TRPM1: variants seen among roughly 807,000 people sequenced by gnomAD.
The protein encoded by TRPM1 is transient receptor potential cation channel subfamily M member 1.
In TRPM1, 113 loss-of-function variants were observed where a neutral mutation model predicts 149.4. The ratio of observed to expected loss-of-function variants is 0.76; its 90% CI spans 0.65 to 0.88. TRPM1 has a LOEUF of 0.88. TRPM1 is among the 40% of genes least tolerant of loss of function. TRPM1 has a pLI of 0.00. For synonymous variants in TRPM1, 741 were observed against 759.5 expected, an observed-to-expected ratio of 0.98 and a Z score of 0.40; for missense variants, 1,976 against 2,038.7, an observed-to-expected ratio of 0.97 and a Z score of 0.59.
At chr15:31,113,814 A>T (rs893492374) in intron 1 of TRPM1, among the ~76,000 whole-genome samples, 1 of 152,170 alleles carries the variant, frequency 6.6e-6, no homozygotes. Context: ...AGCAACAGCA[A>T]GATTTATTGT....
Position 31,040,993 on chromosome 15 carries a change from G to A in TRPM1, c.2088-647C>T, listed in dbSNP as rs1379939152. Among the ~76,000 whole-genome samples the A allele has an allele frequency of 6.6e-6, 1 of 152,144 alleles. No homozygotes were observed. The highest frequency in any genetic ancestry group is 2.4e-5 in the African/African-American group (1 of 41,410). ...CAGGGATGAGGCATAGTTGTCATAG[G>A]GCCCAGGCCAGAGGGCGTCTAATGA... On this transcript the variant is annotated intron_variant, in intron 17 of 27. Coordinates refer to ENST00000256552, the MANE Select transcript of TRPM1 (RefSeq NM_001252024.2). The surrounding 1 kb of genome is among the most constrained non-coding windows in gnomAD (Gnocchi z 4.2).
intron 16 of TRPM1, among the ~76,000 whole-genome samples, chr15:31,044,680 C>G (rs532054042): frequency 2.0e-5 from 3 of 150,056 alleles, no homozygotes; most frequent in Non-Finnish European, 4.4e-5. Context: ...ACTTGGGAGG[C>G]TGAGACAGGA....
chr15:31,038,167 C>T lies in TRPM1; in HGVS notation c.2317-1G>A. ...GGGGTAGAAGAATCCCCATGATAAC[C>T]TACGGAACATAAATTGATTTTTTAA... On this transcript the variant is annotated splice_acceptor_variant, in intron 18 of 27. Transcript: ENST00000256552. LOFTEE classifies it high-confidence loss of function. The T allele has an allele frequency of 6.2e-7, 1 of 1,613,964 alleles. No homozygotes were observed. Among genetic ancestry groups the T allele is most frequent in the South Asian group, 1.1e-5 (1 of 91,056 alleles).
intron 1 of TRPM1, among the ~76,000 whole-genome samples, chr15:31,088,561 C>T (rs565680615): frequency 9.9e-5 from 15 of 152,276 alleles, no homozygotes; most frequent in Admixed American, 7.8e-4. Flanking sequence ...CAAAAGTCTG[C>T]GGCTTCACTG....
At chr15:31,157,271 G>A (rs1034134667) in intron 1 of TRPM1, among the ~76,000 whole-genome samples, 1 of 152,220 alleles carries the variant, frequency 6.6e-6, no homozygotes, top group East Asian at 1.9e-4. Flanking sequence ...TGATACAGGT[G>A]GCTTGGTTCA....
chr15:31,102,082 C>T (rs1016077637), upstream of TRPM1, among the ~76,000 whole-genome samples: 4 of 152,224 alleles, frequency 2.6e-5, no homozygotes, highest in Non-Finnish European at 4.4e-5. Context: ...GGGCAGTGTT[C>T]GTGCCCCGGG....
intron 1 of TRPM1, among the ~76,000 whole-genome samples, chr15:31,152,953 A>T (rs1314478094): frequency 1.3e-5 from 2 of 152,210 alleles, no homozygotes; most frequent in East Asian, 3.9e-4. Context: ...TAAAACAGAG[A>T]TCTCAAGGCC....
intron 1 of TRPM1, among the ~76,000 whole-genome samples, chr15:31,118,467 C>T (rs912676476): frequency 4.0e-5 from 6 of 151,644 alleles, no homozygotes; most frequent in African/African-American, 1.5e-4. Context: ...GTGGACCTAT[C>T]GTGTTCAAAC....
At chr15:31,077,119 G>A (rs1469020332) in intron 2 of TRPM1, 135 bp from the exon 3 acceptor site, 2 of 687,376 alleles carry the variant, frequency 2.9e-6, no homozygotes, top group Admixed American at 4.2e-5. Flanking sequence ...GTGGATGCAA[G>A]TCTTTAAGGA....
chr15:31,049,312 A>G, intron 13 of TRPM1, 63 bp downstream of exon 13: 3 of 1,611,686 alleles, frequency 1.9e-6, no homozygotes, highest in Admixed American at 1.7e-5. Flanking sequence ...CACAATATGC[A>G]CCAGTGACAA....
At chr15:31,059,984 C>T (rs1346692134) in intron 11 of TRPM1, among the ~76,000 whole-genome samples, 2 of 152,032 alleles carry the variant, frequency 1.3e-5, no homozygotes, top group African/African-American at 4.8e-5. Context: ...ATATCACACA[C>T]ACACAATACC....
chr15:31,118,392 G>A (rs1488589058), intron 1 of TRPM1, among the ~76,000 whole-genome samples: 15 of 152,056 alleles, frequency 9.9e-5, no homozygotes, highest in Admixed American at 9.8e-4. Context: ...CAAAATTAAG[G>A]GCAGACACCA....
upstream of TRPM1, among the ~76,000 whole-genome samples, chr15:31,103,586 G>T (rs2141017670): frequency 6.6e-6 from 1 of 152,276 alleles, no homozygotes; most frequent in East Asian, 1.9e-4. Flanking sequence ...GCTGAGGCAG[G>T]TGGATCACCT....
chr15:31,148,449 A>G (rs2036251428), intron 1 of TRPM1, among the ~76,000 whole-genome samples: 4 of 152,188 alleles, frequency 2.6e-5, no homozygotes, highest in Admixed American at 2.6e-4. Flanking sequence ...TATGTAAATC[A>G]AAGTCCAACT....
chr15:31,004,926 A>C (rs2031931057), intron 27 of TRPM1, among the ~76,000 whole-genome samples: 1 of 151,964 alleles, frequency 6.6e-6, no homozygotes. Flanking sequence ...ATATGGTGAA[A>C]CCCTGTCTCT....
upstream of TRPM1, among the ~76,000 whole-genome samples, chr15:31,105,468 TGTGTGCGCGCGCGC>T (rs1444747965): frequency 4.6e-5 from 6 of 131,414 alleles, no homozygotes; most frequent in African/African-American, 2.4e-4. Context: ...TGTGTGTGTG[TGTGTGCGCGCGCGC>T]GCGCGTGCAT....
chr15:31,118,150 C>T (rs1458256004), intron 1 of TRPM1, among the ~76,000 whole-genome samples: 7 of 151,964 alleles, frequency 4.6e-5, no homozygotes, highest in African/African-American at 1.7e-4. Flanking sequence ...TCTCACTACT[C>T]GGGCAGCTGA....
At chr15:31,058,536 T>C (rs2034144546) in intron 11 of TRPM1, among the ~76,000 whole-genome samples, 1 of 152,184 alleles carries the variant, frequency 6.6e-6, no homozygotes, top group Non-Finnish European at 1.5e-5. Flanking sequence ...AGAGACTAAG[T>C]ACAAAAACTG....
intron 1 of TRPM1, among the ~76,000 whole-genome samples, chr15:31,101,442 G>A (rs1356006285): frequency 6.6e-6 from 1 of 152,210 alleles, no homozygotes; most frequent in African/African-American, 2.4e-5. Flanking sequence ...GCCTCAAGAG[G>A]AGATGAGTAA....
Sources: gnomAD v4.1 joint callset for allele counts (sites outside exome capture counted in the v4.1 genomes callset) on GRCh38, gnomAD v4.1.1 for gene constraint, Gnocchi (gnomAD v3.1) non-coding constraint, MANE v1.5 for transcripts, NCBI Gene and HGNC (gene_info 2026-07-23, HGNC 2026-07-21) for gene names.